Variants in SNTG1 observed in about 807,000 individuals in gnomAD.
The protein encoded by SNTG1 is syntrophin gamma 1, also known as gamma-1-syntrophin.
A neutral mutation model predicts 74.7 loss-of-function variants in SNTG1; 39 were observed. The observed-to-expected ratio is 0.52, with a 90% CI of 0.40 to 0.68. SNTG1 has a LOEUF of 0.68. SNTG1 is among the 30% of genes least tolerant of loss of function. SNTG1 has a pLI of 0.00. For synonymous variants in SNTG1, 254 were observed against 217.1 expected, an observed-to-expected ratio of 1.17 and a Z score of -1.49; for missense variants, 685 against 609.5, an observed-to-expected ratio of 1.12 and a Z score of -1.30.
At chr8:50,139,824 T>A (rs1336405018) in intron 1 of SNTG1, among the ~76,000 whole-genome samples, 1 of 152,176 alleles carries the variant, frequency 6.6e-6, no homozygotes, top group Non-Finnish European at 1.5e-5. Context: ...GAGCCAAGAG[T>A]GAGTCACTGG....
intron 2 of SNTG1, among the ~76,000 whole-genome samples, chr8:50,389,226 T>C (rs2092620400): frequency 6.6e-6 from 1 of 152,180 alleles, no homozygotes; most frequent in Non-Finnish European, 1.5e-5. Context: ...AAATAAACTA[T>C]GCTGTAGTGG....
chr8:50,069,173 G>A (rs1821143475), intron 1 of SNTG1, among the ~76,000 whole-genome samples: 1 of 152,154 alleles, frequency 6.6e-6, no homozygotes, highest in African/African-American at 2.4e-5. Context: ...AACAGAAAAA[G>A]GGAAATGAAG....
intron 2 of SNTG1, among the ~76,000 whole-genome samples, chr8:50,249,119 G>A (rs542252736): frequency 1.3e-5 from 2 of 152,116 alleles, no homozygotes; most frequent in South Asian, 4.2e-4. Flanking sequence ...ATACAAGCTG[G>A]AGACACTCAT....
intron 8 of SNTG1, among the ~76,000 whole-genome samples, chr8:50,464,503 G>A (rs1307686946): frequency 6.6e-6 from 1 of 152,062 alleles, no homozygotes; most frequent in African/African-American, 2.4e-5. Flanking sequence ...GGAGAGAAAT[G>A]GGGAAATGAA....
intron 2 of SNTG1, among the ~76,000 whole-genome samples, chr8:50,281,492 A>T (rs1009761001): frequency 3.3e-5 from 5 of 152,176 alleles, no homozygotes; most frequent in African/African-American, 9.6e-5. Flanking sequence ...CAATCTCTTC[A>T]CCTTCAGCTT....
intron 4 of SNTG1, among the ~76,000 whole-genome samples, chr8:50,413,097 G>A (rs533881664): frequency 9.9e-5 from 15 of 152,214 alleles, no homozygotes; most frequent in Non-Finnish European, 1.5e-4. Flanking sequence ...CATTGCTCAC[G>A]TTTGTGATTT....
Position 50,450,668 on chromosome 8 carries a change from T to C in SNTG1, c.322-20T>C, listed in dbSNP as rs528599741. 6.2e-7 allele frequency: 1 copy of C among 1,613,490 alleles called. No individual in the cohort carries two copies. The highest frequency in any genetic ancestry group is 8.5e-7 in the Non-Finnish European group (1 of 1,179,752). ...ATTTACAATATGCCATGGGAAACTA[T>C]GCTTTTCTTTTCATTGCAGATAAAT... On this transcript the variant is annotated intron_variant, in intron 7 of 18. Coordinates refer to ENST00000642720, the MANE Select transcript of SNTG1 (RefSeq NM_018967.5).
intron 13 of SNTG1, among the ~76,000 whole-genome samples, chr8:50,607,510 A>G (rs2130965127): frequency 6.6e-6 from 1 of 151,670 alleles, no homozygotes; most frequent in South Asian, 2.1e-4. Flanking sequence ...ATTTATTTGT[A>G]ATATTCTCTT....
chr8:50,205,624 A>C (rs2084193285), intron 2 of SNTG1, among the ~76,000 whole-genome samples: 1 of 152,124 alleles, frequency 6.6e-6, no homozygotes, highest in South Asian at 2.1e-4. Context: ...TTGGTGTTTT[A>C]GTCATGAAGT....
At chr8:49,990,636 A>T (rs559849662) in intron 1 of SNTG1, among the ~76,000 whole-genome samples, 17 of 152,294 alleles carry the variant, frequency 1.1e-4, no homozygotes, top group African/African-American at 3.8e-4. Context: ...AATAGACTTG[A>T]GATTCCATAA....
At position 50,773,138 on chromosome 8, in the gene SNTG1, C is replaced by G. The variant is rs537136353; in HGVS notation, c.1396-19533C>G. On this transcript the variant is annotated intron_variant, in intron 18 of 18. Coordinates refer to ENST00000642720, the MANE Select transcript of SNTG1 (RefSeq NM_018967.5). ...TGTCATTACTTGACCTCACTCAGACCTTTCTCATTGGAAAAATTGCTAACC... is the reference window on the plus strand; with the variant it reads ...TGTCATTACTTGACCTCACTCAGACGTTTCTCATTGGAAAAATTGCTAACC... Among the ~76,000 whole-genome samples the G allele has an allele frequency of 1.5e-4, 23 of 152,212 alleles. No individual in the cohort carries two copies. The East Asian group carries it at 3.3e-3, about 22-fold the overall frequency.
chr8:50,542,641 A>G lies in SNTG1; in HGVS notation c.680+5833A>G, dbSNP rs376278560. On this transcript the variant is annotated intron_variant, in intron 11 of 18. Coordinates refer to ENST00000642720, the MANE Select transcript of SNTG1 (RefSeq NM_018967.5). ...AATTGCTGGATCGTGTGGTAGTCTT[A>G]TTTTCAGTTTTTTGAGAACCCTCCA... is the stretch of plus-strand genomic sequence containing the variant. Among the ~76,000 whole-genome samples the G allele has an allele frequency of 4.6e-5, 7 of 152,188 alleles. No homozygotes were observed. In the East Asian group the frequency reaches 1.2e-3, roughly 25 times the overall value.
intron 8 of SNTG1, among the ~76,000 whole-genome samples, chr8:50,481,644 G>T (rs544634541): frequency 6.6e-6 from 1 of 152,012 alleles, no homozygotes; most frequent in Non-Finnish European, 1.5e-5. Context: ...CTGCACTTTG[G>T]ATTTCTATTA....
intron 15 of SNTG1, among the ~76,000 whole-genome samples, chr8:50,681,967 T>C (rs1164816142): frequency 6.6e-6 from 1 of 152,186 alleles, no homozygotes; most frequent in East Asian, 1.9e-4. Context: ...TTGGAGTCAC[T>C]CCTGAAATGT....
At chr8:50,143,104 TAA>T (rs1339329628) in intron 1 of SNTG1, among the ~76,000 whole-genome samples, 1 of 151,646 alleles carries the variant, frequency 6.6e-6, no homozygotes, top group African/African-American at 2.4e-5. Flanking sequence ...TAAATAAAAA[TAA>T]AAAATAAATA....
intron 9 of SNTG1, among the ~76,000 whole-genome samples, chr8:50,504,748 CTGAG>C (rs1161707063): frequency 1.3e-5 from 2 of 152,030 alleles, no homozygotes; most frequent in Admixed American, 1.3e-4. Flanking sequence ...ATGCAGTGAG[CTGAG>C]TAAGACCCCA....
At chr8:50,572,780 T>G (rs1349619021) in intron 12 of SNTG1, among the ~76,000 whole-genome samples, 2 of 152,278 alleles carry the variant, frequency 1.3e-5, no homozygotes, top group Middle Eastern at 3.4e-3. Context: ...ATTTGTCAAG[T>G]GAATTTATTT....
chr8:50,429,285 G>A (rs571243253), intron 4 of SNTG1, among the ~76,000 whole-genome samples: 24 of 152,054 alleles, frequency 1.6e-4, no homozygotes, highest in Admixed American at 6.6e-4. Flanking sequence ...CTGGCATAAC[G>A]ATAGACATAA....
intron 18 of SNTG1, among the ~76,000 whole-genome samples, chr8:50,756,910 T>C (rs952470480): frequency 5.9e-5 from 9 of 151,904 alleles, no homozygotes; most frequent in East Asian, 1.9e-4. Flanking sequence ...ATAAAATATA[T>C]TCCATTTATT....
Sources: allele counts gnomAD v4.1 joint callset (sites outside exome capture counted in the v4.1 genomes callset), GRCh38; gene constraint gnomAD v4.1.1; transcripts MANE v1.5; gene names NCBI Gene and HGNC (gene_info 2026-07-23, HGNC 2026-07-21).